Variants in PEAK1 observed in about 807,000 individuals in gnomAD.
The protein encoded by PEAK1 is pseudopodium enriched atypical kinase 1, also known as inactive tyrosine-protein kinase PEAK1.
In PEAK1, 54 loss-of-function variants were observed where a neutral mutation model predicts 124.7. The ratio of observed to expected loss-of-function variants is 0.43; its 90% CI spans 0.35 to 0.54. The LOEUF is 0.54. PEAK1 is among the 20% of genes least tolerant of loss of function. The pLI, the probability that PEAK1 is intolerant of heterozygous loss-of-function variation, is 0.01. For missense variants in PEAK1, 2,046 were observed against 2,134.5 expected, an observed-to-expected ratio of 0.96 and a Z score of 0.82; for synonymous variants, 719 against 760.0, an observed-to-expected ratio of 0.95 and a Z score of 0.89.
chr15:77,240,199 C>A (rs561039398), intron 6 of PEAK1, among the ~76,000 whole-genome samples: 1 of 152,274 alleles, frequency 6.6e-6, no homozygotes, highest in African/African-American at 2.4e-5. Flanking sequence ...TGCCACTTGG[C>A]AAAACAACTT....
intron 2 of PEAK1, among the ~76,000 whole-genome samples, chr15:77,318,722 T>TTTATG (rs1367658500): frequency 6.6e-6 from 1 of 152,068 alleles, no homozygotes; most frequent in Non-Finnish European, 1.5e-5. Flanking sequence ...ATACCTATTC[T>TTTATG]AATTCTCCTT....
At chr15:77,411,287 G>C (rs1303579147) in intron 1 of PEAK1, among the ~76,000 whole-genome samples, 1 of 152,128 alleles carries the variant, frequency 6.6e-6, no homozygotes, top group Non-Finnish European at 1.5e-5. Flanking sequence ...AAAGGTAGCA[G>C]AGAGCCAAAA....
intron 2 of PEAK1, chr15:77,333,003 T>C: frequency 1.1e-6 from 1 of 912,362 alleles, no homozygotes; most frequent in Non-Finnish European, 1.3e-6. Context: ...CATTCATTTC[T>C]TATTGACTTA....
At chr15:77,398,597 G>C (rs1330796283) in intron 1 of PEAK1, among the ~76,000 whole-genome samples, 2 of 152,048 alleles carry the variant, frequency 1.3e-5, no homozygotes, top group Non-Finnish European at 2.9e-5. Flanking sequence ...CAAAAAACTA[G>C]GTACAGAAGG....
intron 1 of PEAK1, among the ~76,000 whole-genome samples, chr15:77,380,383 G>A (rs1033763392): frequency 2.4e-4 from 37 of 152,300 alleles, no homozygotes; most frequent in African/African-American, 8.4e-4. Flanking sequence ...AGTTTTGGAA[G>A]GCTGGACATA....
At chr15:77,336,036 T>C in intron 2 of PEAK1, 1 of 985,370 alleles carries the variant, frequency 1.0e-6, no homozygotes, top group Non-Finnish European at 1.2e-6. Context: ...TGTCTTAATT[T>C]TTGAAGGTAA....
chr15:77,376,362 C>T (rs765299726), intron 1 of PEAK1, among the ~76,000 whole-genome samples: 1 of 151,950 alleles, frequency 6.6e-6, no homozygotes, highest in Non-Finnish European at 1.5e-5. Context: ...ACTACCTGCT[C>T]TATATTTCCC....
chr15:77,361,886 C>T (rs931590020), intron 2 of PEAK1, among the ~76,000 whole-genome samples: 23 of 151,264 alleles, frequency 1.5e-4, no homozygotes, highest in African/African-American at 5.6e-4. Flanking sequence ...CCAGAGAATG[C>T]TATCTAGTCA....
intron 1 of PEAK1, among the ~76,000 whole-genome samples, chr15:77,380,218 G>T (rs1358706648): frequency 6.6e-6 from 1 of 152,100 alleles, no homozygotes; most frequent in Non-Finnish European, 1.5e-5. Flanking sequence ...AGCATGACCT[G>T]CCCTGGTAAT....
At chr15:77,221,451 A>G (rs530447008) in intron 6 of PEAK1, among the ~76,000 whole-genome samples, 14 of 152,016 alleles carry the variant, frequency 9.2e-5, no homozygotes, top group African/African-American at 3.1e-4. Flanking sequence ...AGATATTTTG[A>G]AACATAGGCT....
intron 6 of PEAK1, among the ~76,000 whole-genome samples, chr15:77,207,754 T>C (rs1227129219): frequency 6.6e-6 from 1 of 152,154 alleles, no homozygotes; most frequent in Non-Finnish European, 1.5e-5. Context: ...TAATGGTGGA[T>C]ACATTACACA....
At chr15:77,359,529 G>A (rs765662080) in intron 2 of PEAK1, among the ~76,000 whole-genome samples, 6 of 151,174 alleles carry the variant, frequency 4.0e-5, no homozygotes, top group South Asian at 2.1e-4. Context: ...ACTATGACAC[G>A]ATGACATGAT....
chr15:77,412,420 C>A (rs1164756447), intron 1 of PEAK1, among the ~76,000 whole-genome samples: 1 of 152,220 alleles, frequency 6.6e-6, no homozygotes, highest in African/African-American at 2.4e-5. Context: ...AATGACAACT[C>A]TATCCTTCCA....
intron 2 of PEAK1, chr15:77,348,507 A>T (rs1271858654): frequency 1.0e-6 from 1 of 962,122 alleles, no homozygotes; most frequent in Non-Finnish European, 1.2e-6. Context: ...AGTTGAATAT[A>T]CAGGCCAAAC....
chr15:77,367,111 C>G (rs925342323), intron 1 of PEAK1, among the ~76,000 whole-genome samples: 1 of 152,030 alleles, frequency 6.6e-6, no homozygotes. Context: ...TCCAGCCTGG[C>G]GACCGGGCGA....
intron 2 of PEAK1, among the ~76,000 whole-genome samples, chr15:77,358,583 G>A (rs1045068499): frequency 2.0e-5 from 3 of 151,910 alleles, no homozygotes; most frequent in East Asian, 1.9e-4. Context: ...TCTCTCTCCC[G>A]GCTCTCCACT....
chr15:77,205,837 T>G (rs940964409), intron 6 of PEAK1, among the ~76,000 whole-genome samples: 2 of 152,054 alleles, frequency 1.3e-5, no homozygotes, highest in Admixed American at 1.3e-4. Context: ...TTTATTTTTT[T>G]TATTATACTT....
intron 5 of PEAK1, among the ~76,000 whole-genome samples, chr15:77,256,100 T>C (rs2061118487): frequency 6.6e-6 from 1 of 152,080 alleles, no homozygotes; most frequent in African/African-American, 2.4e-5. Flanking sequence ...GACAACTTCA[T>C]CCAAAAATGA....
At chr15:77,124,432 C>T (rs938329550) in intron 9 of PEAK1, among the ~76,000 whole-genome samples, 1 of 152,238 alleles carries the variant, frequency 6.6e-6, no homozygotes, top group Admixed American at 6.5e-5. Context: ...ATTGAGATCT[C>T]ATCTTTCTGG....
Sources: allele counts gnomAD v4.1 joint callset (sites outside exome capture counted in the v4.1 genomes callset), GRCh38; gene constraint gnomAD v4.1.1; transcripts MANE v1.5; gene names NCBI Gene and HGNC (gene_info 2026-07-23, HGNC 2026-07-21).